Variants in STXBP5 observed in about 807,000 individuals in gnomAD.
STXBP5 encodes syntaxin binding protein 5.
STXBP5 carries 50 observed loss-of-function variants against 152.4 expected under a neutral mutation model. That is an observed-to-expected ratio of 0.33 (90% CI 0.26 to 0.42). The LOEUF (loss-of-function observed/expected upper bound fraction) is 0.42. STXBP5 is among the 10% of genes least tolerant of loss of function. The probability of loss-of-function intolerance (pLI) is 1.00; values close to 1 mark genes in which losing one functional copy is unlikely to be tolerated. For synonymous variants in STXBP5, 492 were observed against 494.7 expected (o/e 0.99, Z 0.07); for missense variants, 1,167 against 1,388.6 (o/e 0.84, Z 2.54).
intron 18 of STXBP5, among the ~76,000 whole-genome samples, chr6:147,333,225 A>G (rs910853247): frequency 7.2e-5 from 11 of 152,082 alleles, no homozygotes; most frequent in African/African-American, 2.7e-4. Context: ...TTTTTTTTAA[A>G]ACTACTAATT....
chr6:147,289,622 A>T (rs1781174699), intron 8 of STXBP5, among the ~76,000 whole-genome samples: 1 of 152,178 alleles, frequency 6.6e-6, no homozygotes, highest in African/African-American at 2.4e-5. Context: ...ATGACGTAGA[A>T]GCATTGATAA....
At chr6:147,248,021 T>C (rs1778896804) in intron 4 of STXBP5, among the ~76,000 whole-genome samples, 1 of 152,200 alleles carries the variant, frequency 6.6e-6, no homozygotes, top group African/African-American at 2.4e-5. Flanking sequence ...GGCTTAAGCC[T>C]GTAATCCCAG....
At chr6:147,229,665 A>G (rs758623316) in intron 2 of STXBP5, among the ~76,000 whole-genome samples, 43 of 151,950 alleles carry the variant, frequency 2.8e-4, no homozygotes, top group Non-Finnish European at 4.3e-4. Flanking sequence ...AATTTCATTT[A>G]TAGATCATTC....
chr6:147,358,521 G>T (rs1784910928), intron 22 of STXBP5, among the ~76,000 whole-genome samples: 1 of 151,998 alleles, frequency 6.6e-6, no homozygotes, highest in Non-Finnish European at 1.5e-5. Context: ...AATTGTTTTT[G>T]TTTTCAATTG....
chr6:147,247,258 G>A lies in STXBP5; in HGVS notation c.431+7988G>A, dbSNP rs1287122834. Among the ~76,000 whole-genome samples, 6 of 152,136 alleles carry A rather than the reference G, an allele frequency of 3.9e-5. No homozygotes were observed. In the East Asian group the frequency reaches 7.7e-4, roughly 20 times the overall value. ...TAATCGCATAACATTATCAAAATTC[G>A]TTTCTTTGAAAACAGCTTAATGAAA... On this transcript the variant is annotated intron_variant, in intron 4 of 27. Transcript: ENST00000321680.
chr6:147,261,636 C>T (rs887045734), intron 5 of STXBP5, among the ~76,000 whole-genome samples: 4 of 151,702 alleles, frequency 2.6e-5, no homozygotes, highest in Admixed American at 6.6e-5. Flanking sequence ...TATATCAGTC[C>T]TTTGGTAGGG....
chr6:147,313,105 A>G (rs1423682124), intron 11 of STXBP5, among the ~76,000 whole-genome samples: 2 of 152,138 alleles, frequency 1.3e-5, no homozygotes, highest in Non-Finnish European at 2.9e-5. Flanking sequence ...GAGTGGTGAT[A>G]GTTGGGTTCA....
At position 147,324,958 on chromosome 6, in the gene STXBP5, G is replaced by T; in HGVS notation, c.1803-1G>T. 6.6e-7 allele frequency: 1 copy of T among 1,512,510 alleles called. No individual in the cohort carries two copies. The highest frequency in any genetic ancestry group is 8.9e-7 in the Non-Finnish European group (1 of 1,124,648). The allele number at this position is 1,512,510 out of a possible 1,614,324, so 93.7% of individuals were successfully genotyped here. A position where few individuals can be genotyped will look rare whatever the true frequency, so the allele number is the denominator to read the frequency against. On this transcript the variant is annotated splice_acceptor_variant, in intron 16 of 27. Coordinates refer to ENST00000321680, the MANE Select transcript of STXBP5 (RefSeq NM_001127715.4). LOFTEE classifies it high-confidence loss of function. ...AGATACCATGTTTTCTTTTATTTTA[G>T]AGTTAAAAACTCACCACTTAAACAG...
chr6:147,258,214 G>A (rs763352440), intron 4 of STXBP5, among the ~76,000 whole-genome samples: 20 of 152,088 alleles, frequency 1.3e-4, no homozygotes, highest in African/African-American at 4.3e-4. Flanking sequence ...AATCTTCTAC[G>A]TTTGAAATCT....
rs1452008941 is a variant in STXBP5 at position 147,390,304 on chromosome 6, T to A, written c.*5549T>A. On this transcript the variant is annotated 3_prime_UTR_variant, in exon 28 of 28. Transcript: ENST00000321680. ...TCACAGCAAAAAGTTTAAAATTAGG[T>A]AATGAAATATTTTTGTAAATAAATA... 1 of 152,056 alleles carries A rather than the reference T, an allele frequency of 6.6e-6. No individual in the cohort carries two copies. Among genetic ancestry groups the A allele is most frequent in the Non-Finnish European group, 1.5e-5 (1 of 67,962 alleles). The allele number at this position is 152,056 out of a possible 1,614,324, so 9.4% of individuals were successfully genotyped here. A position where few individuals can be genotyped will look rare whatever the true frequency, so the allele number is the denominator to read the frequency against.
intron 25 of STXBP5, 28 bp from the exon 26 acceptor site, chr6:147,373,703 A>G (rs755957573): frequency 6.4e-7 from 1 of 1,551,694 alleles, no homozygotes; most frequent in Non-Finnish European, 8.9e-7. Context: ...TGAAATTTCA[A>G]CAGTGACAAT....
At chr6:147,212,525 G>T (rs899271594) in intron 2 of STXBP5, among the ~76,000 whole-genome samples, 1 of 152,134 alleles carries the variant, frequency 6.6e-6, no homozygotes, top group East Asian at 1.9e-4. Context: ...GAGGAAATTG[G>T]GATGTGTTAT....
intron 21 of STXBP5, chr6:147,351,860 C>A: frequency 1.0e-6 from 1 of 985,362 alleles, no homozygotes; most frequent in Non-Finnish European, 1.2e-6. Context: ...GACTGGATTT[C>A]TCTTTGTTTA....
intron 3 of STXBP5, among the ~76,000 whole-genome samples, chr6:147,237,150 A>G (rs1197747620): frequency 6.6e-6 from 1 of 152,182 alleles, no homozygotes; most frequent in Non-Finnish European, 1.5e-5. Context: ...AAAATGCGGT[A>G]AATCATTTAC....
chr6:147,211,484 A>G (rs1776851853), intron 2 of STXBP5, among the ~76,000 whole-genome samples: 1 of 152,110 alleles, frequency 6.6e-6, no homozygotes, highest in Non-Finnish European at 1.5e-5. Context: ...TTGCTACTTA[A>G]TTTTATTATA....
At chr6:147,339,099 A>G in intron 19 of STXBP5, 80 bp from the exon 20 acceptor site, 1 of 1,229,884 alleles carries the variant, frequency 8.1e-7, no homozygotes, top group Non-Finnish European at 1.1e-6. Context: ...CAGATTTTTT[A>G]TTTGTACATT....
chr6:147,236,763 A>G (rs1302932308), intron 3 of STXBP5, among the ~76,000 whole-genome samples: 3 of 150,048 alleles, frequency 2.0e-5, no homozygotes, highest in Non-Finnish European at 4.4e-5. Flanking sequence ...CCTGGCAACT[A>G]TTAACCTGTT....
At chr6:147,241,761 A>G (rs1778557386) in intron 4 of STXBP5, among the ~76,000 whole-genome samples, 1 of 152,152 alleles carries the variant, frequency 6.6e-6, no homozygotes, top group African/African-American at 2.4e-5. Flanking sequence ...TATAGCTGTC[A>G]TAACATCATA....
chr6:147,213,623 A>G (rs574057309), intron 2 of STXBP5, among the ~76,000 whole-genome samples: 2 of 152,208 alleles, frequency 1.3e-5, no homozygotes, highest in South Asian at 4.1e-4. Flanking sequence ...CAAGAAGAAA[A>G]TTAATAATTA....
Sources: gnomAD v4.1 joint callset for allele counts (sites outside exome capture counted in the v4.1 genomes callset) on GRCh38, gnomAD v4.1.1 for gene constraint, MANE v1.5 for transcripts, NCBI Gene and HGNC (gene_info 2026-07-23, HGNC 2026-07-21) for gene names.